Variants in CDH13 observed in about 807,000 individuals in gnomAD.
CDH13 encodes cadherin 13, also known as cadherin-13.
Under a neutral mutation model 63.8 loss-of-function variants are expected in CDH13, and 24 were observed. The observed-to-expected ratio is 0.38, with a 90% CI of 0.27 to 0.53. The LOEUF is 0.53. Ranked by LOEUF, CDH13 falls within the 20% of genes least tolerant of loss-of-function variation. The pLI is 0.85. For missense variants in CDH13, 1,049 were observed against 903.1 expected, an observed-to-expected ratio of 1.16 and a Z score of -2.07; for synonymous variants, 503 against 355.3, an observed-to-expected ratio of 1.42 and a Z score of -4.67.
intron 7 of CDH13, among the ~76,000 whole-genome samples, chr16:83,582,584 T>C (rs548722776): frequency 2.6e-5 from 4 of 152,226 alleles, no homozygotes; most frequent in South Asian, 2.1e-4. Context: ...CTGCTGCCCA[T>C]AAGGGTTGTT....
At chr16:82,857,967 T>G (rs373410581) in intron 1 of CDH13, among the ~76,000 whole-genome samples, 3 of 152,196 alleles carry the variant, frequency 2.0e-5, no homozygotes, top group Non-Finnish European at 4.4e-5. Context: ...AGTTCCATTT[T>G]CTCTTTCCTC....
chr16:83,321,590 G>A (rs1056208697), intron 5 of CDH13, among the ~76,000 whole-genome samples: 17 of 145,996 alleles, frequency 1.2e-4, no homozygotes, highest in African/African-American at 2.8e-4. Context: ...GTGCAGTGGC[G>A]CAATCTTGGC....
At chr16:83,530,117 C>T (rs1021498047) in intron 7 of CDH13, among the ~76,000 whole-genome samples, 2 of 152,168 alleles carry the variant, frequency 1.3e-5, no homozygotes, top group Non-Finnish European at 2.9e-5. Context: ...CCTGTTCCTG[C>T]TGGCCCTTGA....
At chr16:83,329,847 A>G (rs7203087) in intron 5 of CDH13, among the ~76,000 whole-genome samples, 1 of 152,216 alleles carries the variant, frequency 6.6e-6, no homozygotes, top group Non-Finnish European at 1.5e-5. Flanking sequence ...TGTAGCATGT[A>G]TCCAAATTTC....
intron 11 of CDH13, among the ~76,000 whole-genome samples, chr16:83,764,960 C>T (rs563547049): frequency 1.3e-5 from 2 of 152,334 alleles, no homozygotes; most frequent in South Asian, 2.1e-4. Context: ...CACACCACTT[C>T]GTCCCCCTAC....
chr16:82,980,890 C>G (rs987491978), intron 2 of CDH13, among the ~76,000 whole-genome samples: 1 of 152,170 alleles, frequency 6.6e-6, no homozygotes, highest in African/African-American at 2.4e-5. Context: ...TCAGGAAGTT[C>G]TTATTGGCTG....
At chr16:83,064,852 T>C (rs949648518) in intron 3 of CDH13, among the ~76,000 whole-genome samples, 1 of 152,194 alleles carries the variant, frequency 6.6e-6, no homozygotes, top group African/African-American at 2.4e-5. Context: ...CTATCCTTTT[T>C]TTGCTGAGAC....
At chr16:83,682,766 A>G (rs1915510560) in intron 10 of CDH13, among the ~76,000 whole-genome samples, 1 of 151,864 alleles carries the variant, frequency 6.6e-6, no homozygotes, top group Admixed American at 6.6e-5. Context: ...AGCTCCAACA[A>G]CCCCATCTCA....
chr16:83,496,288 C>CA (rs2074142460), intron 7 of CDH13, among the ~76,000 whole-genome samples: 1 of 147,198 alleles, frequency 6.8e-6, no homozygotes, highest in Admixed American at 6.8e-5. Flanking sequence ...ACCAAAACAG[C>CA]ATGGTACTGG....
chr16:83,238,493 A>G (rs1904283955), intron 5 of CDH13, among the ~76,000 whole-genome samples: 2 of 152,178 alleles, frequency 1.3e-5, no homozygotes, highest in South Asian at 4.1e-4. Flanking sequence ...ACAATTCAAG[A>G]TGAGATTTGG....
At chr16:83,318,378 A>T (rs966193928) in intron 5 of CDH13, among the ~76,000 whole-genome samples, 7 of 152,192 alleles carry the variant, frequency 4.6e-5, no homozygotes, top group African/African-American at 1.7e-4. Context: ...TTCAGCTATT[A>T]ATTAAAGTCA....
At chr16:83,748,315 A>C in intron 11 of CDH13, 65 bp downstream of exon 11, 2 of 1,454,478 alleles carry the variant, frequency 1.4e-6, no homozygotes, top group Non-Finnish European at 1.9e-6. Context: ...TTACATTTTT[A>C]AATTTCTTCT....
chr16:83,176,106 T>C lies in CDH13; in HGVS notation c.484-41239T>C, dbSNP rs568748394. ...CTCAGGTCATCCACTTGCCTCGGTC[T>C]CCCAGAGTGCTGGGATTACAGGCGT... On this transcript the variant is annotated intron_variant, in intron 4 of 13. Coordinates refer to ENST00000567109, the MANE Select transcript of CDH13 (RefSeq NM_001257.5). 7.8e-4 allele frequency among the ~76,000 whole-genome samples: 117 copies of C among 150,740 alleles called. 1 individual carries two copies. The highest frequency in any genetic ancestry group is 1.2e-3 in the Non-Finnish European group (82 of 67,058).
chr16:82,887,133 C>T (rs753676023), intron 2 of CDH13, among the ~76,000 whole-genome samples: 58 of 152,248 alleles, frequency 3.8e-4, no homozygotes, highest in Non-Finnish European at 3.7e-4. Context: ...AAACCACTTT[C>T]GAACTTGTGC....
At chr16:83,137,398 A>G (rs907808288) in intron 4 of CDH13, among the ~76,000 whole-genome samples, 3 of 152,206 alleles carry the variant, frequency 2.0e-5, no homozygotes, top group East Asian at 1.9e-4. Context: ...CTGTGAAGTG[A>G]GGAGAAATGA....
At chr16:83,589,283 C>CCG (rs1555579644) in intron 7 of CDH13, among the ~76,000 whole-genome samples, 11 of 125,146 alleles carry the variant, frequency 8.8e-5, no homozygotes, top group Admixed American at 1.6e-4. Flanking sequence ...CCCTTTCCCC[C>CCG]CCCCGGACCC....
chr16:83,261,949 T>C lies in CDH13; in HGVS notation c.636+44452T>C, dbSNP rs146625601. Among the ~76,000 whole-genome samples, 878 of 152,282 alleles carry C rather than the reference T, an allele frequency of 5.8e-3. 6 individuals are homozygous for C. The highest frequency in any genetic ancestry group is 7.7e-3 in the South Asian group (37 of 4,820). On this transcript the variant is annotated intron_variant, in intron 5 of 13. Coordinates refer to ENST00000567109, the MANE Select transcript of CDH13 (RefSeq NM_001257.5). ...CCCTCCCTTTGCTGATCAGATTTGT[T>C]CTGTTCCATTCCGGAGTCACTGCAA...
At position 83,797,882 on chromosome 16, in the gene CDH13, G is replaced by A. The variant is rs897350131; in HGVS notation, c.*2852G>A. On this transcript the variant is annotated 3_prime_UTR_variant, in exon 14 of 14. Transcript: ENST00000567109. ...TACATACGATAAATTAATTATTTTG[G>A]ATAATTTGTTTTAATAAGAATATGC... 8 of 152,066 alleles carry A rather than the reference G, an allele frequency of 5.3e-5. No individual in the cohort carries two copies. The highest frequency in any genetic ancestry group is 1.2e-4 in the African/African-American group (5 of 41,398). 9.4% of individuals were successfully genotyped at this position (152,066 alleles called of 1,614,324 possible).
At chr16:83,488,604 C>A (rs75376121) in intron 7 of CDH13, among the ~76,000 whole-genome samples, 2 of 152,006 alleles carry the variant, frequency 1.3e-5, no homozygotes, top group African/African-American at 4.8e-5. Flanking sequence ...CCAACCCTCC[C>A]TATTTTTTTA....
Sources: gnomAD v4.1 joint callset for allele counts (sites outside exome capture counted in the v4.1 genomes callset) on GRCh38, gnomAD v4.1.1 for gene constraint, MANE v1.5 for transcripts, NCBI Gene and HGNC (gene_info 2026-07-23, HGNC 2026-07-21) for gene names.